The following IGFL1 variants were observed in gnomAD, a reference collection of about 807,000 sequenced individuals.
IGFL1 encodes the protein IGF like family member 1, also known as insulin growth factor-like family member 1.
Under a neutral mutation model 16.0 loss-of-function variants are expected in IGFL1, and 16 were observed. The ratio of observed to expected loss-of-function variants is 1.00; its 90% confidence interval spans 0.68 to 1.52. The LOEUF is 1.52. IGFL1 is among the 40% of genes most tolerant of loss of function. The pLI is 0.00. For missense variants in IGFL1, 149 were observed against 141.7 expected (o/e 1.05, Z -0.26); for synonymous variants, 59 against 54.0 (o/e 1.09, Z -0.41).
At position 46,230,944 on chromosome 19, in the gene IGFL1, AAC is replaced by A; in HGVS notation, c.*121_*122del. 2 of 1,063,586 alleles carry A rather than the reference AAC, an allele frequency of 1.9e-6. No homozygotes were observed. Among genetic ancestry groups the A allele is most frequent in the Non-Finnish European group, 1.4e-6 (1 of 702,050 alleles). The allele number at this position is 1,063,586 out of a possible 1,614,324, so 65.9% of individuals were successfully genotyped here. On this transcript the variant is annotated 3_prime_UTR_variant, in exon 4 of 4. Transcript: ENST00000437936. ...TGAGTGGCTGTTTGGGGGCCAGAGA[AAC>A]ACACACTCAACTGCCCACTTCATTC...
At position 46,231,054 on chromosome 19, in the gene IGFL1, C is replaced by T. The variant is rs946284211; in HGVS notation, c.*224C>T. The T allele has an allele frequency of 4.7e-5, 29 of 618,278 alleles. No individual in the cohort carries two copies. The highest frequency in any genetic ancestry group is 2.0e-4 in the East Asian group (7 of 35,886). The allele number at this position is 618,278 out of a possible 1,614,324, so 38.3% of individuals were successfully genotyped here. ...CTAGAATTCTGGACAGCATGAGATG[C>T]GTGTGCTGATGGGGGCCCAGGGACT... On this transcript the variant is annotated 3_prime_UTR_variant, in exon 4 of 4. Transcript: ENST00000437936.
chr19:46,230,354 T>A lies in IGFL1; in HGVS notation c.160T>A (p.Cys54Ser). The stretch of plus-strand genomic sequence containing the variant: ...CAAGTTCTACGACCCCCTGCAGCAC[T>A]GTTGCTATGATGATGCCGTCGTGCC... ...GDKFYDPLQH[C>S]CYDDAVVPLA... The change falls in exon 3 of 4, where the codon TGT (cysteine) becomes AGT (serine). Residue 54 changes from cysteine to serine, a missense_variant. Coordinates refer to ENST00000437936, the MANE Select transcript of IGFL1 (RefSeq NM_198541.2). The A allele has an allele frequency of 5.6e-6, 9 of 1,614,018 alleles. No individual in the cohort carries two copies. The highest frequency in any genetic ancestry group is 7.6e-6 in the Non-Finnish European group (9 of 1,179,888).
At chr19:46,229,942 C>T in intron 1 of IGFL1, 143 bp downstream of exon 1, 4 of 1,231,974 alleles carry the variant, frequency 3.2e-6, no homozygotes, top group Non-Finnish European at 4.7e-6. Context: ...CACAGCAATT[C>T]CCCATCCATA....
At chr19:46,229,977 G>T in intron 1 of IGFL1, 131 bp from the exon 2 acceptor site, 1 of 1,259,732 alleles carries the variant, frequency 7.9e-7, no homozygotes, top group South Asian at 1.3e-5. Context: ...CCCATCCACA[G>T]CCCTGTTTCA....
chr19:46,230,160 A>G lies in IGFL1; in HGVS notation c.78A>G (p.Pro26=). 6.2e-7 allele frequency: 1 copy of G among 1,613,848 alleles called. No homozygotes were observed. The highest frequency in any genetic ancestry group is 2.2e-5 in the East Asian group (1 of 44,882). ...GGCTCCTCTGCTCACACGGAGCCCCAGGTGAGCCCAGGAGTGTTTGGGAAG... is the reference window on the plus strand; with the variant it reads ...GGCTCCTCTGCTCACACGGAGCCCCGGGTGAGCCCAGGAGTGTTTGGGAAG... The part of the protein sequence containing the change: ...ISRLLCSHGA[P]VAPMTPYLML... Residue 26 remains proline (P), a splice_region_variant and synonymous_variant, in exon 2 of 4, where the codon CCA becomes CCG. Coordinates refer to ENST00000437936, the MANE Select transcript of IGFL1 (RefSeq NM_198541.2).
chr19:46,229,912 A>G, intron 1 of IGFL1, 113 bp downstream of exon 1: 3 of 1,337,126 alleles, frequency 2.2e-6, no homozygotes, highest in Non-Finnish European at 3.2e-6. Flanking sequence ...GCCCAGCCAA[A>G]TCTCCAGGCG....
rs1185452465 is a variant in IGFL1, at chr19:46,230,428, T to A, written c.234T>A (p.Phe78Leu). The A allele has an allele frequency of 6.2e-7, 1 of 1,614,056 alleles. No homozygotes were observed. Among genetic ancestry groups the A allele is most frequent in the South Asian group, 1.1e-5 (1 of 91,088 alleles). Residue 78 changes from phenylalanine (F) to leucine (L), a missense_variant, in exon 3 of 4, where the codon TTT (phenylalanine) becomes TTA (leucine). Coordinates refer to ENST00000437936, the MANE Select transcript of IGFL1 (RefSeq NM_198541.2). Reference sequence around the variant, plus strand: ...GAAACTGCACCTTCAGAGTCTGCTTTGAGCAGTGCTGCCCCTGGACCTTCA... The same window carrying A: ...GAAACTGCACCTTCAGAGTCTGCTTAGAGCAGTGCTGCCCCTGGACCTTCA... The part of the protein sequence containing the change: ...TCGNCTFRVC[F>L]EQCCPWTFMV...
Position 46,231,055 on chromosome 19 carries a change from G to T in IGFL1, c.*225G>T, listed in dbSNP as rs534859800. On this transcript the variant is annotated 3_prime_UTR_variant, in exon 4 of 4. Transcript: ENST00000437936. Reference sequence around the variant, plus strand: ...TAGAATTCTGGACAGCATGAGATGCGTGTGCTGATGGGGGCCCAGGGACTC... The same window carrying T: ...TAGAATTCTGGACAGCATGAGATGCTTGTGCTGATGGGGGCCCAGGGACTC... 9.7e-6 allele frequency: 6 copies of T among 616,764 alleles called. No individual in the cohort carries two copies. Among genetic ancestry groups the T allele is most frequent in the Middle Eastern group, 4.3e-4 (1 of 2,332 alleles). 38.2% of individuals were successfully genotyped at this position (616,764 alleles called of 1,614,324 possible). A position where few individuals can be genotyped will look rare whatever the true frequency, so the allele number is the denominator to read the frequency against.
chr19:46,230,534 C>A lies in IGFL1; in HGVS notation c.323+17C>A, dbSNP rs1456573521. On this transcript the variant is annotated intron_variant, in intron 3 of 3. Coordinates refer to ENST00000437936, the MANE Select transcript of IGFL1 (RefSeq NM_198541.2). ...TTGTCGCAGGTGAGTCCTGTCCCCT[C>A]CGTGGGATTGTGGGTGCAGGGTAGC... The A allele has an allele frequency of 6.2e-7, 1 of 1,611,956 alleles. No individual in the cohort carries two copies. The highest frequency in any genetic ancestry group is 8.5e-7 in the Non-Finnish European group (1 of 1,178,942).
rs758972628 is a variant in IGFL1 at position 46,230,100 on chromosome 19, T to TC, written c.26-5dup. 15 of 1,612,964 alleles carry TC rather than the reference T, an allele frequency of 9.3e-6. No homozygotes were observed. The East Asian group carries it at 2.9e-4, about 31-fold the overall frequency. Reference sequence around the variant, plus strand: ...ACTCACCCCATCTTCCCTTTCCCTTTCCCACAGCTGTCTTTGCCATTTTCT... The same window carrying TC: ...ACTCACCCCATCTTCCCTTTCCCTTTCCCCACAGCTGTCTTTGCCATTTTCT... On this transcript the variant is annotated splice_polypyrimidine_tract_variant and splice_region_variant and intron_variant, in intron 1 of 3. Coordinates refer to ENST00000437936, the MANE Select transcript of IGFL1 (RefSeq NM_198541.2).
rs1343879504 is a variant in IGFL1 at position 46,230,154 on chromosome 19, A to G, written c.72A>G (p.Gly24=). ...FCISRLLCSH[G]APVAPMTPYL... ...TCTCCAGGCTCCTCTGCTCACACGGAGCCCCAGGTGAGCCCAGGAGTGTTT... is the reference window on the plus strand; with the variant it reads ...TCTCCAGGCTCCTCTGCTCACACGGGGCCCCAGGTGAGCCCAGGAGTGTTT... The change falls in exon 2 of 4, where the codon GGA becomes GGG. Residue 24 remains glycine (G), a synonymous_variant. Coordinates refer to ENST00000437936, the MANE Select transcript of IGFL1 (RefSeq NM_198541.2). The G allele has an allele frequency of 1.2e-6, 2 of 1,613,774 alleles. No homozygotes were observed. Among genetic ancestry groups the G allele is most frequent in the South Asian group, 1.1e-5 (1 of 91,066 alleles).
In IGFL1 at chr19:46,230,447, A is replaced by C; in HGVS notation, c.253A>C (p.Thr85Pro). ...RVCFEQCCPWTFMVKLINQNC... is the reference protein window; with the variant it reads ...RVCFEQCCPWPFMVKLINQNC... ...CTGCTTTGAGCAGTGCTGCCCCTGGACCTTCATGGTGAAGCTGATAAACCA... is the reference window on the plus strand; with the variant it reads ...CTGCTTTGAGCAGTGCTGCCCCTGGCCCTTCATGGTGAAGCTGATAAACCA... Residue 85 changes from threonine (T) to proline (P), a missense_variant, in exon 3 of 4, where the codon ACC (threonine) becomes CCC (proline). Thr to Pro is a conservative substitution (Grantham distance 38). Coordinates refer to ENST00000437936, the MANE Select transcript of IGFL1 (RefSeq NM_198541.2). 6.2e-7 allele frequency: 1 copy of C among 1,613,994 alleles called. No homozygotes were observed. Among genetic ancestry groups the C allele is most frequent in the Non-Finnish European group, 8.5e-7 (1 of 1,179,886 alleles).
intron 3 of IGFL1, 24 bp from the exon 4 acceptor site, chr19:46,230,797 G>A (rs140057698): frequency 1.6e-5 from 26 of 1,611,298 alleles, no homozygotes; most frequent in Non-Finnish European, 2.2e-5. Context: ...CCCGCTCAGT[G>A]TCTCTCTCTG....
Position 46,230,827 on chromosome 19 carries a change from C to A in IGFL1, c.330C>A (p.Ser110Arg), listed in dbSNP as rs1356606797. 2 of 1,611,822 alleles carry A rather than the reference C, an allele frequency of 1.2e-6. No homozygotes were observed. The highest frequency in any genetic ancestry group is 3.3e-5 in the Admixed American group (2 of 59,748). The change falls in exon 4 of 4, where the codon AGC (serine) becomes AGA (arginine). Residue 110 changes from serine (S) to arginine (R), a missense_variant. Physicochemically the swap from Ser to Arg is moderately radical, Grantham distance 110. Transcript: ENST00000437936. Reference sequence around the variant, plus strand: ...TCTCTGTCACTATCTCCAGTGTCAGCTAATGGAACATCAGGGGAACGATGA... The same window carrying A: ...TCTCTGTCACTATCTCCAGTGTCAGATAATGGAACATCAGGGGAACGATGA... ...TSDDRLCRSV[S>R] is the part of the protein sequence containing the mutation.
rs1568476260 is a variant in IGFL1 at position 46,230,088 on chromosome 19, T to C, written c.26-20T>C. On this transcript the variant is annotated intron_variant, in intron 1 of 3. Transcript: ENST00000437936. The stretch of plus-strand genomic sequence containing the variant: ...CTGTGGCTGTCCACTCACCCCATCT[T>C]CCCTTTCCCTTTCCCACAGCTGTCT... 2.5e-6 allele frequency: 4 copies of C among 1,612,026 alleles called. No individual in the cohort carries two copies. Among genetic ancestry groups the C allele is most frequent in the Non-Finnish European group, 3.4e-6 (4 of 1,179,238 alleles).
chr19:46,230,633 A>G, intron 3 of IGFL1, 116 bp downstream of exon 3: 3 of 1,483,300 alleles, frequency 2.0e-6, no homozygotes, highest in South Asian at 1.2e-5. Context: ...CTTCTATTCA[A>G]TCCACCTCTC....
chr19:46,230,119 AT>A lies in IGFL1; in HGVS notation c.41del (p.Phe14SerfsTer17). ...TCCCTTTCCCACAGCTGTCTTTGCCATTTTCTGCATCTCCAGGCTCCTCTGC... is the reference window on the plus strand; with the variant it reads ...TCCCTTTCCCACAGCTGTCTTTGCCATTTCTGCATCTCCAGGCTCCTCTGC... ...PRGCIVAVFA[I>X]FCISRLLCSH... On this transcript the variant is annotated frameshift_variant, in exon 2 of 4. Coordinates refer to ENST00000437936, the MANE Select transcript of IGFL1 (RefSeq NM_198541.2). LOFTEE classifies it high-confidence loss of function. 6.2e-7 allele frequency: 1 copy of A among 1,613,322 alleles called. No homozygotes were observed. The highest frequency in any genetic ancestry group is 8.5e-7 in the Non-Finnish European group (1 of 1,179,754).
Position 46,230,494 on chromosome 19 carries a change from C to G in IGFL1, c.300C>G (p.Thr100=), listed in dbSNP as rs754869443. The G allele has an allele frequency of 7.1e-5, 115 of 1,613,838 alleles. No individual in the cohort carries two copies. Among genetic ancestry groups the G allele is most frequent in the Non-Finnish European group, 9.3e-5 (110 of 1,179,902 alleles). The change falls in exon 3 of 4, where the codon ACC becomes ACG. Residue 100 remains threonine, a synonymous_variant. Coordinates refer to ENST00000437936, the MANE Select transcript of IGFL1 (RefSeq NM_198541.2). ...ACCAGAACTGCGACTCAGCCCGGAC[C>G]TCGGATGACAGGCTTTGTCGCAGGT... ...LINQNCDSAR[T]SDDRLCRSVS
rs1190753184 is a variant in IGFL1 at position 46,231,168 on chromosome 19, T to G, written c.*338T>G. ...GAACCCTTCACCCTTCTGTGAGATTTTCCATCATCTCAAGTTCTCTTCTAT... is the reference window on the plus strand; with the variant it reads ...GAACCCTTCACCCTTCTGTGAGATTGTCCATCATCTCAAGTTCTCTTCTAT... On this transcript the variant is annotated 3_prime_UTR_variant, in exon 4 of 4. Coordinates refer to ENST00000437936, the MANE Select transcript of IGFL1 (RefSeq NM_198541.2). 3 of 430,998 alleles carry G rather than the reference T, an allele frequency of 7.0e-6. No homozygotes were observed. The highest frequency in any genetic ancestry group is 3.9e-5 in the African/African-American group (2 of 50,748). The allele number at this position is 430,998 out of a possible 1,614,324, so 26.7% of individuals were successfully genotyped here.
Sources: gnomAD v4.1 joint callset for allele counts on GRCh38, gnomAD v4.1.1 for gene constraint, MANE v1.5 for transcripts, NCBI Gene and HGNC (gene_info 2026-07-23, HGNC 2026-07-21) for gene names.